ARHGAP24: variants seen among roughly 807,000 people sequenced by gnomAD.
ARHGAP24 encodes rho GTPase-activating protein 24.
Under a neutral mutation model 76.4 loss-of-function variants are expected in ARHGAP24, and 50 were observed. That is an observed-to-expected ratio of 0.65 (90% CI 0.52 to 0.83). The LOEUF is 0.83. Among genes scored for constraint, ARHGAP24 ranks in the 40% least tolerant of loss-of-function variants. The pLI, the probability that ARHGAP24 is intolerant of heterozygous loss-of-function variation, is 0.00. For synonymous variants in ARHGAP24, 345 were observed against 323.3 expected (o/e 1.07, Z -0.72); for missense variants, 930 against 914.2 (o/e 1.02, Z -0.22).
chr4:85,595,257 C>T (rs1012148619), intron 2 of ARHGAP24, among the ~76,000 whole-genome samples: 2 of 152,048 alleles, frequency 1.3e-5, no homozygotes, highest in African/African-American at 4.8e-5. Context: ...TGCAGAGACC[C>T]AGTAGAAGTT....
chr4:85,655,818 A>AGAGAGAAAAAGAGAG (rs1237643654), intron 2 of ARHGAP24, among the ~76,000 whole-genome samples: 1 of 35,508 alleles, frequency 2.8e-5, no homozygotes, highest in African/African-American at 1.5e-4. Context: ...GAGAGAGAGA[A>AGAGAGAAAAAGAGAG]AGAGAGAGAG....
rs142935559 is a variant in ARHGAP24, at chr4:85,628,035, G to A, written c.180+57314G>A. 2.9e-3 allele frequency among the ~76,000 whole-genome samples: 440 copies of A among 152,326 alleles called. 1 individual carries two copies. The highest frequency in any genetic ancestry group is 1.0e-2 in the African/African-American group (414 of 41,570). ...ACCCCTTGCGCTTCCCAGGTGAGGT[G>A]ATGCCTCGCCCTGCTTCGGCTTGCA... is the stretch of plus-strand genomic sequence containing the variant. On this transcript the variant is annotated intron_variant, in intron 2 of 9. Coordinates refer to ENST00000395184, the MANE Select transcript of ARHGAP24 (RefSeq NM_001025616.3).
At chr4:85,676,476 G>C (rs1722984387) in intron 2 of ARHGAP24, among the ~76,000 whole-genome samples, 2 of 152,132 alleles carry the variant, frequency 1.3e-5, no homozygotes, top group South Asian at 4.1e-4. Context: ...CAGCTCAGTT[G>C]GGGCTTGGGG....
intron 3 of ARHGAP24, among the ~76,000 whole-genome samples, chr4:85,733,379 G>A (rs1345100999): frequency 6.6e-6 from 1 of 151,946 alleles, no homozygotes; most frequent in Non-Finnish European, 1.5e-5. Flanking sequence ...TCACCAACTT[G>A]GTAGGACAGT....
chr4:85,678,658 A>G (rs1723086675), intron 2 of ARHGAP24, among the ~76,000 whole-genome samples: 1 of 152,220 alleles, frequency 6.6e-6, no homozygotes, highest in Non-Finnish European at 1.5e-5. Context: ...GCATCAATGT[A>G]TCAGACTACA....
At chr4:85,554,974 C>T (rs1008111670) in intron 1 of ARHGAP24, among the ~76,000 whole-genome samples, 4 of 139,856 alleles carry the variant, frequency 2.9e-5, no homozygotes, top group Admixed American at 7.7e-5. Flanking sequence ...GCCACCGCAC[C>T]CAGCCAGTTC....
intron 3 of ARHGAP24, among the ~76,000 whole-genome samples, chr4:85,742,340 A>G (rs1725859274): frequency 6.6e-6 from 1 of 152,190 alleles, no homozygotes; most frequent in Non-Finnish European, 1.5e-5. Context: ...AAGAGAGGAG[A>G]AGGAGGAGGA....
intron 3 of ARHGAP24, among the ~76,000 whole-genome samples, chr4:85,757,561 G>A (rs1353494720): frequency 6.6e-6 from 1 of 152,042 alleles, no homozygotes; most frequent in Non-Finnish European, 1.5e-5. Flanking sequence ...CTTTTTTATG[G>A]CTGCATAGTA....
chr4:85,869,267 G>A (rs1039423650), intron 3 of ARHGAP24, among the ~76,000 whole-genome samples: 1 of 152,112 alleles, frequency 6.6e-6, no homozygotes, highest in Admixed American at 6.6e-5. Context: ...TTTCCCCCTT[G>A]AACAACAAAG....
rs1333998454 is a variant in ARHGAP24 at position 85,755,621 on chromosome 4, C to CTTTTTTTTTTT, written c.268+33653_268+33654insTTTTTTTTTTT. Among the ~76,000 whole-genome samples, 3 of 21,294 alleles carry CTTTTTTTTTTT rather than the reference C, an allele frequency of 1.4e-4. No individual in the cohort carries two copies. In the Non-Finnish European group the frequency reaches 3.0e-3, roughly 21 times the overall value. The allele number at this position is 21,294 out of a possible 152,430, so 14.0% of individuals were successfully genotyped here. A position where few individuals can be genotyped will look rare whatever the true frequency, so the allele number is the denominator to read the frequency against. ...TCTTGTTCTATGGGAAGCTTCTATT[C>CTTTTTTTTTTT]TTTTGTTTTGTTTTGTTTTGTTTTG... On this transcript the variant is annotated intron_variant, in intron 3 of 9. Coordinates refer to ENST00000395184, the MANE Select transcript of ARHGAP24 (RefSeq NM_001025616.3).
In ARHGAP24 at chr4:85,831,977, T is replaced by A. The variant is rs148870479; in HGVS notation, c.269-91671T>A. Among the ~76,000 whole-genome samples, 694 of 152,258 alleles carry A rather than the reference T, an allele frequency of 4.6e-3. 2 individuals are homozygous for A. The highest frequency in any genetic ancestry group is 0.016 in the African/African-American group (658 of 41,540). On this transcript the variant is annotated intron_variant, in intron 3 of 9. Transcript: ENST00000395184. ...GAACTGTATTTTTAAACGTAGGTTT[T>A]ATTATTTTTCAGGAATTGTGGGGCC...
At chr4:85,537,786 AT>A (rs1268163526) in intron 1 of ARHGAP24, among the ~76,000 whole-genome samples, 1 of 152,172 alleles carries the variant, frequency 6.6e-6, no homozygotes, top group Non-Finnish European at 1.5e-5. Flanking sequence ...ACTGATTTAC[AT>A]TTTGGGAATT....
At chr4:85,569,677 A>G (rs185013660) in intron 1 of ARHGAP24, among the ~76,000 whole-genome samples, 2 of 152,324 alleles carry the variant, frequency 1.3e-5, no homozygotes, top group East Asian at 3.9e-4. Context: ...AAAACTAGCA[A>G]AAGCAGGTGT....
chr4:85,990,131 T>C (rs1740236088), intron 8 of ARHGAP24: 1 of 151,730 alleles, frequency 6.6e-6, no homozygotes, highest in South Asian at 2.1e-4. Context: ...TATAAAACTT[T>C]ATTGTATTTC....
intron 1 of ARHGAP24, among the ~76,000 whole-genome samples, chr4:85,513,224 T>C (rs1724351276): frequency 6.6e-6 from 1 of 152,182 alleles, no homozygotes; most frequent in African/African-American, 2.4e-5. Flanking sequence ...GTTTGTTTGG[T>C]ACAGTCACCA....
At chr4:85,916,531 C>A (rs1008733735) in intron 3 of ARHGAP24, among the ~76,000 whole-genome samples, 4 of 152,034 alleles carry the variant, frequency 2.6e-5, no homozygotes, top group Admixed American at 1.3e-4. Flanking sequence ...TAAATAAGAG[C>A]TTATAGTTGT....
intron 3 of ARHGAP24, among the ~76,000 whole-genome samples, chr4:85,726,973 G>C (rs1034841659): frequency 1.8e-4 from 28 of 152,100 alleles, no homozygotes; most frequent in African/African-American, 6.5e-4. Flanking sequence ...TGAGGTTGGG[G>C]CTTGGATCCA....
chr4:85,743,335 G>A (rs1050044628), intron 3 of ARHGAP24, among the ~76,000 whole-genome samples: 2 of 137,790 alleles, frequency 1.5e-5, no homozygotes, highest in African/African-American at 5.4e-5. Flanking sequence ...GGGGCCAGAT[G>A]TGGTGACTCA....
intron 3 of ARHGAP24, among the ~76,000 whole-genome samples, chr4:85,753,315 A>G (rs1022780280): frequency 6.6e-6 from 1 of 152,116 alleles, no homozygotes; most frequent in Non-Finnish European, 1.5e-5. Flanking sequence ...ACTTGGTACC[A>G]TTAGAAATGT....
Sources: gnomAD v4.1 joint callset for allele counts (sites outside exome capture counted in the v4.1 genomes callset) on GRCh38, gnomAD v4.1.1 for gene constraint, MANE v1.5 for transcripts, NCBI Gene and HGNC (gene_info 2026-07-23, HGNC 2026-07-21) for gene names.